DCTD: variants seen among roughly 807,000 people sequenced by gnomAD.
The protein encoded by DCTD is dCMP deaminase.
Under a neutral mutation model 21.0 loss-of-function variants are expected in DCTD, and 23 were observed. The ratio of observed to expected loss-of-function variants is 1.09; its 90% CI spans 0.79 to 1.55. The LOEUF is 1.55. Ranked by LOEUF, DCTD falls within the 40% of genes most tolerant of loss-of-function variation. DCTD has a pLI of 0.00. For missense variants in DCTD, 224 were observed against 230.0 expected (o/e 0.97, Z 0.17); for synonymous variants, 71 against 81.1 (o/e 0.88, Z 0.67).
chr4:182,917,197 GC>G lies in DCTD; in HGVS notation c.-8+113del. 1 of 992,192 alleles carries G rather than the reference GC, an allele frequency of 1.0e-6. No homozygotes were observed. The highest frequency in any genetic ancestry group is 1.2e-6 in the Non-Finnish European group (1 of 835,062). The allele number at this position is 992,192 out of a possible 1,614,324, so 61.5% of individuals were successfully genotyped here. ...GGCCGAGGCGCCCCCAGCGTCCGCG[GC>G]CCCAGGCCCCCGCCCGGCAGCCAGC... On this transcript the variant is annotated intron_variant, in intron 1 of 5. Coordinates refer to ENST00000438320, the MANE Select transcript of DCTD (RefSeq NM_001921.3). The surrounding 1 kb of genome is among the most constrained non-coding windows in gnomAD (Gnocchi z 4.9).
intron 3 of DCTD, among the ~76,000 whole-genome samples, chr4:182,906,091 G>A (rs796920882): frequency 5.3e-5 from 8 of 151,928 alleles, no homozygotes; most frequent in Non-Finnish European, 7.4e-5. Context: ...CCCGGCTGGC[G>A]AGTCGCTGTT....
At chr4:182,904,237 C>G (rs1417162473) in intron 3 of DCTD, among the ~76,000 whole-genome samples, 1 of 152,174 alleles carries the variant, frequency 6.6e-6, no homozygotes, top group African/African-American at 2.4e-5. Flanking sequence ...GCCCCCAGAA[C>G]TCTAATTACA....
intron 3 of DCTD, among the ~76,000 whole-genome samples, chr4:182,909,834 G>T (rs1287145221): frequency 6.6e-6 from 1 of 152,172 alleles, no homozygotes; most frequent in Non-Finnish European, 1.5e-5. Context: ...TGACATCTAT[G>T]CATGCTTAAC....
At chr4:182,904,391 AAC>A (rs1190414517) in intron 3 of DCTD, among the ~76,000 whole-genome samples, 1 of 152,210 alleles carries the variant, frequency 6.6e-6, no homozygotes, top group Non-Finnish European at 1.5e-5. Context: ...AATGCGTGAC[AAC>A]AGCACCAAGA....
chr4:182,917,144 C>G lies in DCTD; in HGVS notation c.-8+167G>C. On this transcript the variant is annotated intron_variant, in intron 1 of 5. Coordinates refer to ENST00000438320, the MANE Select transcript of DCTD (RefSeq NM_001921.3). This position sits in a 1 kb window ranked among gnomAD's most constrained non-coding sequence, Gnocchi z 4.9. ...GGACCCCGAGCGCCCCCACCCCGCC[C>G]GCATTCTCCGATCTAAAGGCTGAGC... 4.0e-6 allele frequency: 4 copies of G among 988,128 alleles called. No homozygotes were observed. The highest frequency in any genetic ancestry group is 4.8e-6 in the Non-Finnish European group (4 of 832,044). 61.2% of individuals were successfully genotyped at this position (988,128 alleles called of 1,614,324 possible). A position where few individuals can be genotyped will look rare whatever the true frequency, so the allele number is the denominator to read the frequency against.
intron 3 of DCTD, among the ~76,000 whole-genome samples, chr4:182,909,928 G>A (rs1737376189): frequency 1.3e-5 from 2 of 152,344 alleles, no homozygotes; most frequent in South Asian, 2.1e-4. Flanking sequence ...AGGTGTTTAA[G>A]ATGCTCTGCT....
intron 3 of DCTD, among the ~76,000 whole-genome samples, chr4:182,903,467 C>T (rs745374181): frequency 1.3e-5 from 2 of 152,102 alleles, no homozygotes; most frequent in Non-Finnish European, 1.5e-5. Context: ...AAAATAAAGA[C>T]GAGAAACGGG....
At chr4:182,915,627 C>T (rs1738603815) in intron 1 of DCTD, 52 bp from the exon 2 acceptor site, 1 of 1,260,174 alleles carries the variant, frequency 7.9e-7, no homozygotes, top group South Asian at 1.2e-5. Flanking sequence ...TTTAGTAAGT[C>T]TGTTTTCCAG....
intron 3 of DCTD, among the ~76,000 whole-genome samples, chr4:182,904,691 C>A (rs1253118302): frequency 6.6e-6 from 1 of 152,160 alleles, no homozygotes; most frequent in African/African-American, 2.4e-5. Context: ...TCCCACCCCA[C>A]ACAATCAGCT....
intron 3 of DCTD, among the ~76,000 whole-genome samples, chr4:182,904,519 C>A (rs1736321613): frequency 6.6e-6 from 1 of 152,158 alleles, no homozygotes; most frequent in South Asian, 2.1e-4. Context: ...GGAAGAGGAG[C>A]TGGGATGTGT....
At chr4:182,892,726 G>A (rs1462786890) in intron 5 of DCTD, among the ~76,000 whole-genome samples, 1 of 152,120 alleles carries the variant, frequency 6.6e-6, no homozygotes, top group Non-Finnish European at 1.5e-5. Flanking sequence ...ATTCACCAAG[G>A]TTTGGCATTC....
chr4:182,893,949 T>G (rs1158472244), intron 4 of DCTD, among the ~76,000 whole-genome samples: 1 of 152,220 alleles, frequency 6.6e-6, no homozygotes, highest in African/African-American at 2.4e-5. Flanking sequence ...ATCTTAGATG[T>G]GACAGTTTGA....
At position 182,914,908 on chromosome 4, in the gene DCTD, T is replaced by A; in HGVS notation, c.244+15A>T. The A allele has an allele frequency of 6.2e-7, 1 of 1,614,196 alleles. No homozygotes were observed. Among genetic ancestry groups the A allele is most frequent in the Non-Finnish European group, 8.5e-7 (1 of 1,180,032 alleles). Reference sequence around the variant, plus strand: ...CTATGTCACTAAGCAGAATGGGACATAAAACTTGCCCTACCGTACGGGTAT... The same window carrying A: ...CTATGTCACTAAGCAGAATGGGACAAAAAACTTGCCCTACCGTACGGGTAT... On this transcript the variant is annotated intron_variant, in intron 3 of 5. Coordinates refer to ENST00000438320, the MANE Select transcript of DCTD (RefSeq NM_001921.3).
chr4:182,912,288 A>G (rs1737840101), intron 3 of DCTD, among the ~76,000 whole-genome samples: 1 of 152,242 alleles, frequency 6.6e-6, no homozygotes, highest in South Asian at 2.1e-4. Flanking sequence ...ATACACAGTC[A>G]TCGTCATTTA....
At chr4:182,896,818 A>G (rs17074237) in intron 3 of DCTD, among the ~76,000 whole-genome samples, 11,025 of 152,254 alleles carry the variant, frequency 0.072, 478 homozygotes, top group African/African-American at 0.12. Flanking sequence ...CCCAGAGTCT[A>G]ATGTGATGCC....
At chr4:182,915,951 A>C in intron 1 of DCTD, 2 of 937,430 alleles carry the variant, frequency 2.1e-6, no homozygotes, top group Non-Finnish European at 2.6e-6. Context: ...GATCATCTAT[A>C]GATTCCAGAC....
intron 3 of DCTD, among the ~76,000 whole-genome samples, chr4:182,905,985 G>A (rs1014665916): frequency 1.3e-5 from 2 of 151,970 alleles, no homozygotes; most frequent in African/African-American, 4.8e-5. Context: ...CCATCTTCCT[G>A]ATGCTGCCCC....
intron 3 of DCTD, among the ~76,000 whole-genome samples, chr4:182,905,730 C>A (rs951803957): frequency 6.6e-6 from 1 of 152,210 alleles, no homozygotes; most frequent in African/African-American, 2.4e-5. Flanking sequence ...CTTCATCAGC[C>A]ACCCAGGTCG....
In DCTD at chr4:182,891,271, T is replaced by C. The variant is rs560908738; in HGVS notation, c.*128A>G. 4.9e-5 allele frequency: 34 copies of C among 696,238 alleles called. No homozygotes were observed. In the African/African-American group the frequency reaches 5.5e-4, roughly 11 times the overall value. 43.1% of individuals were successfully genotyped at this position (696,238 alleles called of 1,614,324 possible). Reference sequence around the variant, plus strand: ...ACAGTAAGGAAGATTTGAGGCTTTATATTCTTTAGATGCCTACTTTTGCCA... The same window carrying C: ...ACAGTAAGGAAGATTTGAGGCTTTACATTCTTTAGATGCCTACTTTTGCCA... On this transcript the variant is annotated 3_prime_UTR_variant, in exon 6 of 6. Coordinates refer to ENST00000438320, the MANE Select transcript of DCTD (RefSeq NM_001921.3).
Sources: allele counts gnomAD v4.1 joint callset (sites outside exome capture counted in the v4.1 genomes callset), GRCh38; gene constraint gnomAD v4.1.1; non-coding constraint Gnocchi (gnomAD v3.1); transcripts MANE v1.5; gene names NCBI Gene and HGNC (gene_info 2026-07-23, HGNC 2026-07-21).